Variants in GPC6 observed in about 807,000 individuals in gnomAD.
GPC6 encodes the protein glypican-6.
In GPC6, 14 loss-of-function variants were observed where a neutral mutation model predicts 55.2. The observed-to-expected ratio is 0.25, with a 90% CI of 0.17 to 0.40. The LOEUF is 0.40. Ranked by LOEUF, GPC6 falls within the 10% of genes least tolerant of loss-of-function variation. The pLI, the probability that GPC6 is intolerant of heterozygous loss-of-function variation, is 1.00. For missense variants in GPC6, 641 were observed against 708.5 expected (o/e 0.90, Z 1.08); for synonymous variants, 278 against 259.6 (o/e 1.07, Z -0.68).
chr13:94,306,172 G>C (rs1465260583), intron 6 of GPC6, 49 bp downstream of exon 6: 1 of 1,607,856 alleles, frequency 6.2e-7, no homozygotes, highest in Admixed American at 1.7e-5. Context: ...GTTTTACCAA[G>C]GTCATTCTTT....
intron 2 of GPC6, among the ~76,000 whole-genome samples, chr13:93,812,506 C>T (rs1420111004): frequency 6.6e-6 from 1 of 152,092 alleles, no homozygotes; most frequent in Non-Finnish European, 1.5e-5. Context: ...TGTTTAATTT[C>T]CCTTAAATTA....
At chr13:93,961,439 C>T (rs1879770206) in intron 3 of GPC6, among the ~76,000 whole-genome samples, 1 of 152,172 alleles carries the variant, frequency 6.6e-6, no homozygotes, top group South Asian at 2.1e-4. Flanking sequence ...ATCAGTATTT[C>T]CACCTTCCTC....
intron 1 of GPC6, among the ~76,000 whole-genome samples, chr13:93,394,499 A>G (rs920270230): frequency 1.8e-4 from 28 of 152,334 alleles, no homozygotes; most frequent in African/African-American, 6.5e-4. Context: ...TGTCCTCATC[A>G]GCCCCTGATA....
chr13:93,811,275 A>G (rs1246737696), intron 2 of GPC6, among the ~76,000 whole-genome samples: 1 of 152,244 alleles, frequency 6.6e-6, no homozygotes, highest in Non-Finnish European at 1.5e-5. Context: ...CCAGAGTGTG[A>G]CAAAGTGACA....
intron 4 of GPC6, among the ~76,000 whole-genome samples, chr13:94,073,963 C>T (rs940410979): frequency 2.6e-5 from 4 of 152,070 alleles, no homozygotes; most frequent in African/African-American, 9.7e-5. Context: ...ACGATAATAT[C>T]GTTTAAAAAT....
chr13:94,263,327 T>C (rs891470916), intron 4 of GPC6, among the ~76,000 whole-genome samples: 1 of 152,220 alleles, frequency 6.6e-6, no homozygotes, highest in South Asian at 2.1e-4. Context: ...TGTACATTTG[T>C]TTAACACCTG....
intron 2 of GPC6, among the ~76,000 whole-genome samples, chr13:93,608,056 C>T (rs1878319693): frequency 6.6e-6 from 1 of 151,734 alleles, no homozygotes; most frequent in South Asian, 2.1e-4. Flanking sequence ...TCTAGTATCA[C>T]TTATGGCATT....
intron 3 of GPC6, among the ~76,000 whole-genome samples, chr13:93,884,588 C>G (rs1594555501): frequency 6.6e-6 from 1 of 152,174 alleles, no homozygotes; most frequent in East Asian, 1.9e-4. Flanking sequence ...AGAAACAAAA[C>G]TATAATCTTA....
Position 94,142,439 on chromosome 13 carries a change from G to T in GPC6, c.877+114545G>T, listed in dbSNP as rs188589130. On this transcript the variant is annotated intron_variant, in intron 4 of 8. Coordinates refer to ENST00000377047, the MANE Select transcript of GPC6 (RefSeq NM_005708.5). ...TACGTTCTAGTAAACCTTTTGGAGG[G>T]TTCTGAAAAGTGTGATTAAAACTTT... is the stretch of plus-strand genomic sequence containing the variant. Among the ~76,000 whole-genome samples, 1,142 of 152,226 alleles carry T rather than the reference G, an allele frequency of 7.5e-3. 11 individuals carry two copies. Among genetic ancestry groups the T allele is most frequent in the South Asian group, 0.042 (205 of 4,824 alleles).
chr13:93,862,120 C>T (rs1888832176), intron 3 of GPC6, among the ~76,000 whole-genome samples: 2 of 151,646 alleles, frequency 1.3e-5, no homozygotes. Flanking sequence ...TCAGAAATGA[C>T]AGCACAGTAA....
intron 2 of GPC6, among the ~76,000 whole-genome samples, chr13:93,827,077 T>A (rs1009175952): frequency 6.6e-6 from 1 of 152,224 alleles, no homozygotes; most frequent in Non-Finnish European, 1.5e-5. Context: ...TATTTTGTGA[T>A]TGAGGAAGAA....
intron 4 of GPC6, among the ~76,000 whole-genome samples, chr13:94,134,450 G>T (rs996988558): frequency 2.0e-5 from 3 of 152,180 alleles, no homozygotes; most frequent in Non-Finnish European, 1.5e-5. Context: ...TCCCCCAGAA[G>T]AATGTGTCCC....
intron 3 of GPC6, among the ~76,000 whole-genome samples, chr13:93,904,671 G>A (rs974311330): frequency 1.3e-5 from 2 of 152,156 alleles, no homozygotes; most frequent in African/African-American, 4.8e-5. Context: ...GGGAGGTTGA[G>A]GCTGCACTGA....
At chr13:93,304,721 G>T (rs1225864951) in intron 1 of GPC6, among the ~76,000 whole-genome samples, 2 of 152,196 alleles carry the variant, frequency 1.3e-5, no homozygotes, top group African/African-American at 4.8e-5. Context: ...ACAGAGACAG[G>T]TGAGGATTTA....
At chr13:93,718,678 CCTAT>C in intron 2 of GPC6, among the ~76,000 whole-genome samples, 1 of 151,854 alleles carries the variant, frequency 6.6e-6, no homozygotes, top group East Asian at 1.9e-4. Flanking sequence ...GAATTCTTTG[CCTAT>C]TCATATGTCC....
chr13:93,894,952 C>A (rs1327282953), intron 3 of GPC6, among the ~76,000 whole-genome samples: 1 of 151,500 alleles, frequency 6.6e-6, no homozygotes, highest in South Asian at 2.1e-4. Flanking sequence ...TTTTTAGTAA[C>A]ATTTTAAAGT....
chr13:94,204,140 T>TA lies in GPC6; in HGVS notation c.878-82202dup, dbSNP rs1374755589. On this transcript the variant is annotated intron_variant, in intron 4 of 8. Coordinates refer to ENST00000377047, the MANE Select transcript of GPC6 (RefSeq NM_005708.5). ...GGATAGATTTAAACAACATCTCAAATAAAAAAAGAGGACAAAGAGTCAAAA... is the reference window on the plus strand; with the variant it reads ...GGATAGATTTAAACAACATCTCAAATAAAAAAAAGAGGACAAAGAGTCAAAA... Among the ~76,000 whole-genome samples, 8 of 152,022 alleles carry TA rather than the reference T, an allele frequency of 5.3e-5. No homozygotes were observed. The East Asian group carries it at 9.7e-4, about 18-fold the overall frequency.
At chr13:94,143,743 G>A (rs1887462971) in intron 4 of GPC6, among the ~76,000 whole-genome samples, 1 of 152,026 alleles carries the variant, frequency 6.6e-6, no homozygotes, top group Non-Finnish European at 1.5e-5. Context: ...ACAAAAATTA[G>A]CCAGGCGTGC....
rs575269494 is a variant in GPC6 at position 94,296,148 on chromosome 13, C to T, written c.1008+9669C>T. Among the ~76,000 whole-genome samples the T allele has an allele frequency of 4.1e-4, 62 of 152,268 alleles. 2 individuals are homozygous for T. The South Asian group carries it at 0.013, about 32-fold the overall frequency. ...AGTAAAATGAAGGTTTGAAAACATG[C>T]TTATGATGCATTTATGTGATACCCA... On this transcript the variant is annotated intron_variant, in intron 5 of 8. Coordinates refer to ENST00000377047, the MANE Select transcript of GPC6 (RefSeq NM_005708.5).
Sources: allele counts gnomAD v4.1 joint callset (sites outside exome capture counted in the v4.1 genomes callset), GRCh38; gene constraint gnomAD v4.1.1; transcripts MANE v1.5; gene names NCBI Gene and HGNC (gene_info 2026-07-23, HGNC 2026-07-21).